Variants in FGD5 observed in about 807,000 individuals in gnomAD.
FGD5 encodes FYVE, RhoGEF and PH domain containing 5, also known as FYVE, RhoGEF and PH domain-containing protein 5.
FGD5 carries 28 observed loss-of-function variants against 133.4 expected under a neutral mutation model. The ratio of observed to expected loss-of-function variants is 0.21; its 90% CI spans 0.16 to 0.29. FGD5 has a LOEUF of 0.29. Among genes scored for constraint, FGD5 ranks in the 10% least tolerant of loss-of-function variants. The pLI is 1.00. For missense variants in FGD5, 1,858 were observed against 1,895.2 expected (o/e 0.98, Z 0.36); for synonymous variants, 810 against 776.5 (o/e 1.04, Z -0.72).
At chr3:14,916,739 G>A (rs922370933) in intron 11 of FGD5, among the ~76,000 whole-genome samples, 1 of 152,174 alleles carries the variant, frequency 6.6e-6, no homozygotes, top group Non-Finnish European at 1.5e-5. Context: ...ATCAACCACT[G>A]GCCTGACTTT....
chr3:14,909,783 CAG>C, intron 10 of FGD5, among the ~76,000 whole-genome samples: 1 of 136,428 alleles, frequency 7.3e-6, no homozygotes, highest in East Asian at 2.2e-4. Flanking sequence ...TTTTTGGAGA[CAG>C]AGTCTTGCTC....
chr3:14,811,019 C>T (rs750218449), intron 1 of FGD5, among the ~76,000 whole-genome samples: 2 of 151,794 alleles, frequency 1.3e-5, no homozygotes, highest in African/African-American at 4.8e-5. Context: ...ATGCGCGGCT[C>T]CGGGGTCCTC....
intron 2 of FGD5, among the ~76,000 whole-genome samples, chr3:14,865,155 A>G (rs533824391): frequency 7.8e-6 from 1 of 128,176 alleles, no homozygotes; most frequent in African/African-American, 2.9e-5. Flanking sequence ...GCATGTTGAG[A>G]GGTGACTGGA....
intron 18 of FGD5, among the ~76,000 whole-genome samples, chr3:14,927,931 A>AT (rs60432520): frequency 0.16 from 22,061 of 138,416 alleles, 1,728 homozygotes; most frequent in East Asian, 0.19. Flanking sequence ...GGCCTAGCTA[A>AT]TTTTTTTTTT....
At chr3:14,923,961 C>CA (rs769956238) in intron 16 of FGD5, 47 bp from the exon 17 acceptor site, 3 of 1,610,892 alleles carry the variant, frequency 1.9e-6, no homozygotes, top group Non-Finnish European at 2.5e-6. Context: ...AGACAAGCCG[C>CA]AGGCACGCCT....
intron 4 of FGD5, among the ~76,000 whole-genome samples, chr3:14,896,667 C>G (rs2038145657): frequency 6.6e-6 from 1 of 152,136 alleles, no homozygotes; most frequent in Non-Finnish European, 1.5e-5. Flanking sequence ...GACAGGGTTT[C>G]TCCATGTTGG....
chr3:14,842,063 A>G (rs55751892), intron 1 of FGD5, among the ~76,000 whole-genome samples: 24,783 of 152,240 alleles, frequency 0.16, 2,398 homozygotes, highest in East Asian at 0.39. Context: ...ACCCAGCGAA[A>G]TAGAACTACA....
intron 1 of FGD5, among the ~76,000 whole-genome samples, chr3:14,847,308 A>C (rs2037068697): frequency 6.6e-6 from 1 of 152,164 alleles, no homozygotes; most frequent in Non-Finnish European, 1.5e-5. Context: ...TTTAGTCTCC[A>C]TTTTATAGCT....
At position 14,933,528 on chromosome 3, in the gene FGD5, C is replaced by CAG. The variant is rs1410762234; in HGVS notation, c.*362_*363dup. 4.0e-6 allele frequency: 1 copy of CAG among 247,998 alleles called. No homozygotes were observed. The highest frequency in any genetic ancestry group is 2.2e-5 in the African/African-American group (1 of 44,736). 15.4% of individuals were successfully genotyped at this position (247,998 alleles called of 1,614,324 possible). On this transcript the variant is annotated 3_prime_UTR_variant, in exon 20 of 20. Coordinates refer to ENST00000285046, the MANE Select transcript of FGD5 (RefSeq NM_152536.4). ...GCTTTTTAGTAGAAAGAAGCTCTTA[C>CAG]AGTTTTTACTCATGATAAATCTTAT...
At chr3:14,845,250 A>G (rs1161847270) in intron 1 of FGD5, among the ~76,000 whole-genome samples, 1 of 152,206 alleles carries the variant, frequency 6.6e-6, no homozygotes, top group African/African-American at 2.4e-5. Flanking sequence ...GAAGGGTTTC[A>G]TCCAGCTGCA....
At chr3:14,828,549 A>G (rs1406868382) in intron 1 of FGD5, among the ~76,000 whole-genome samples, 1 of 152,204 alleles carries the variant, frequency 6.6e-6, no homozygotes, top group Non-Finnish European at 1.5e-5. Context: ...GTGTAACAGT[A>G]GGACATTGTG....
intron 11 of FGD5, among the ~76,000 whole-genome samples, chr3:14,913,138 A>G (rs949015398): frequency 1.4e-4 from 22 of 152,154 alleles, no homozygotes; most frequent in African/African-American, 5.1e-4. Context: ...TACACTTACT[A>G]CTTCTGTGAC....
At chr3:14,905,979 A>T (rs2038331780) in intron 9 of FGD5, among the ~76,000 whole-genome samples, 1 of 152,094 alleles carries the variant, frequency 6.6e-6, no homozygotes, top group South Asian at 2.1e-4. Flanking sequence ...CAGTCGGGTC[A>T]GTCCAGTCGG....
intron 2 of FGD5, among the ~76,000 whole-genome samples, chr3:14,868,707 A>G (rs1425262483): frequency 6.6e-6 from 1 of 152,156 alleles, no homozygotes; most frequent in Non-Finnish European, 1.5e-5. Context: ...GTGAACATGA[A>G]CTTTCTCCAC....
intron 1 of FGD5, among the ~76,000 whole-genome samples, chr3:14,856,876 C>T (rs1186175059): frequency 6.6e-6 from 1 of 152,176 alleles, no homozygotes; most frequent in East Asian, 1.9e-4. Context: ...CCTTTTATTT[C>T]TTTCTCTTGC....
At chr3:14,825,623 T>A (rs900331695) in intron 1 of FGD5, among the ~76,000 whole-genome samples, 2 of 152,148 alleles carry the variant, frequency 1.3e-5, no homozygotes, top group African/African-American at 4.8e-5. Flanking sequence ...CACTCCAGCC[T>A]GGCTGACAGA....
rs758290837 is a variant in FGD5, at chr3:14,922,512, C to A, written c.3771C>A (p.Leu1257=). The A allele has an allele frequency of 3.2e-6, 5 of 1,582,528 alleles. No individual in the cohort carries two copies. Among genetic ancestry groups the A allele is most frequent in the Middle Eastern group, 1.7e-4 (1 of 6,020 alleles). The change falls in exon 15 of 20, where the codon CTC becomes CTA. Residue 1257 remains leucine (L), a synonymous_variant. Transcript: ENST00000285046. This position sits in a 1 kb window ranked among gnomAD's most constrained non-coding sequence, Gnocchi z 4.1. The stretch of plus-strand genomic sequence containing the variant: ...TGAACTGCGGCTGCGACTTCTCCCT[C>A]ACCCTGCGGCGTCATCACTGTCACG... ...MCMNCGCDFS[L]TLRRHHCHAC...
intron 11 of FGD5, among the ~76,000 whole-genome samples, chr3:14,915,627 A>T (rs1036769180): frequency 6.6e-6 from 1 of 151,976 alleles, no homozygotes; most frequent in East Asian, 1.9e-4. Flanking sequence ...TGTTGGCGCC[A>T]TATGTCCGGG....
At chr3:14,919,831 C>T (rs1421152549) in intron 13 of FGD5, among the ~76,000 whole-genome samples, 1 of 152,086 alleles carries the variant, frequency 6.6e-6, no homozygotes, top group South Asian at 2.1e-4. Context: ...TCTCTGGGGC[C>T]TCTTGTATAA....
Sources: allele counts gnomAD v4.1 joint callset (sites outside exome capture counted in the v4.1 genomes callset), GRCh38; gene constraint gnomAD v4.1.1; non-coding constraint Gnocchi (gnomAD v3.1); transcripts MANE v1.5; gene names NCBI Gene and HGNC (gene_info 2026-07-23, HGNC 2026-07-21).